SLC28A3: variants seen among roughly 807,000 people sequenced by gnomAD.
The protein encoded by SLC28A3 is solute carrier family 28 member 3, also known as concentrative Na(+)-nucleoside cotransporter 3.
Under a neutral mutation model 84.2 loss-of-function variants are expected in SLC28A3, and 68 were observed. The ratio of observed to expected loss-of-function variants is 0.81; its 90% CI spans 0.66 to 0.99. The LOEUF is 0.99. Among genes scored for constraint, SLC28A3 ranks in the 50% least tolerant of loss-of-function variants. The pLI is 0.00. For synonymous variants in SLC28A3, 267 were observed against 303.6 expected (o/e 0.88, Z 1.25); for missense variants, 712 against 841.5 (o/e 0.85, Z 1.90).
chr9:84,361,597 C>T, the SLC28A3 span, among the ~76,000 whole-genome samples: 2 of 152,212 alleles, frequency 1.3e-5, no homozygotes, highest in African/African-American at 2.4e-5. Flanking sequence ...CCAGCTCTCC[C>T]GCGAGAGTGT....
intron 1 of SLC28A3, among the ~76,000 whole-genome samples, chr9:84,331,564 T>G (rs1467631496): frequency 6.6e-6 from 1 of 152,158 alleles, no homozygotes; most frequent in Non-Finnish European, 1.5e-5. Flanking sequence ...ACTCAGCCTT[T>G]CCTGTGTGTT....
intron 9 of SLC28A3, among the ~76,000 whole-genome samples, chr9:84,293,819 G>A (rs1825320972): frequency 6.6e-6 from 1 of 152,128 alleles, no homozygotes; most frequent in Non-Finnish European, 1.5e-5. Flanking sequence ...CTTAAGCAAG[G>A]TAGCATACAA....
chr9:84,326,822 A>G (rs560132341), intron 1 of SLC28A3, among the ~76,000 whole-genome samples: 11 of 152,098 alleles, frequency 7.2e-5, no homozygotes, highest in Non-Finnish European at 1.2e-4. Context: ...CCTGGCCAAC[A>G]CGGTGAAATC....
At chr9:84,299,067 A>G (rs1422272665) in intron 6 of SLC28A3, among the ~76,000 whole-genome samples, 1 of 152,178 alleles carries the variant, frequency 6.6e-6, no homozygotes, top group Admixed American at 6.5e-5. Context: ...ATCTTGAGTT[A>G]CATATGAGAG....
the SLC28A3 span, among the ~76,000 whole-genome samples, chr9:84,365,593 AT>A: frequency 6.6e-6 from 1 of 151,710 alleles, no homozygotes; most frequent in Non-Finnish European, 1.5e-5. Context: ...TGTCCTGGAG[AT>A]TTTTCCCAAA....
At chr9:84,293,264 G>A (rs1421230191) in intron 9 of SLC28A3, among the ~76,000 whole-genome samples, 1 of 152,184 alleles carries the variant, frequency 6.6e-6, no homozygotes, top group Non-Finnish European at 1.5e-5. Context: ...TGAAATGAAC[G>A]TGGTTTTTGG....
intron 3 of SLC28A3, among the ~76,000 whole-genome samples, chr9:84,309,366 T>C (rs1021581468): frequency 3.3e-5 from 5 of 151,056 alleles, no homozygotes. Context: ...CTACTAAAAA[T>C]ACAAAAATTA....
the SLC28A3 span, among the ~76,000 whole-genome samples, chr9:84,352,891 T>G: frequency 2.6e-5 from 1 of 38,682 alleles, no homozygotes; most frequent in Non-Finnish European, 4.3e-5. Context: ...AGATTCTGTC[T>G]CAAAAAAAAA....
upstream of SLC28A3, among the ~76,000 whole-genome samples, chr9:84,341,160 G>A (rs918247061): frequency 6.6e-6 from 1 of 151,926 alleles, no homozygotes; most frequent in Non-Finnish European, 1.5e-5. Context: ...TAGTAGAGAC[G>A]GGGTTTCACC....
chr9:84,291,783 T>G (rs1825232655), intron 10 of SLC28A3, among the ~76,000 whole-genome samples: 1 of 152,210 alleles, frequency 6.6e-6, no homozygotes, highest in African/African-American at 2.4e-5. Context: ...TCAGTTTCCT[T>G]GGGCAGTGGT....
intron 1 of SLC28A3, among the ~76,000 whole-genome samples, chr9:84,339,592 C>T (rs577483736): frequency 2.0e-5 from 3 of 152,326 alleles, no homozygotes; most frequent in Non-Finnish European, 2.9e-5. Flanking sequence ...CGTGCCTTTT[C>T]TCCTGCTAAT....
chr9:84,308,070 T>C (rs1825862477), intron 3 of SLC28A3, among the ~76,000 whole-genome samples: 1 of 152,190 alleles, frequency 6.6e-6, no homozygotes. Flanking sequence ...ACCCTAATTC[T>C]GGCCAACTCC....
chr9:84,334,496 A>C (rs1319649764), intron 1 of SLC28A3, among the ~76,000 whole-genome samples: 1 of 152,212 alleles, frequency 6.6e-6, no homozygotes, highest in Admixed American at 6.5e-5. Context: ...GAAGGGAGGC[A>C]GCAGTGATGA....
At chr9:84,292,925 A>C (rs1825295406) in intron 9 of SLC28A3, among the ~76,000 whole-genome samples, 177 bp from the exon 10 acceptor site, 1 of 152,242 alleles carries the variant, frequency 6.6e-6, no homozygotes, top group African/African-American at 2.4e-5. Flanking sequence ...CAGGCCAAGC[A>C]AATCCTCTTA....
chr9:84,338,099 CAGCATTTCA>C (rs1827044724), intron 1 of SLC28A3, among the ~76,000 whole-genome samples: 1 of 152,212 alleles, frequency 6.6e-6, no homozygotes, highest in African/African-American at 2.4e-5. Flanking sequence ...GAACCCATAT[CAGCATTTCA>C]AGCTGTGAAA....
At chr9:84,324,428 G>A (rs570136191) in intron 1 of SLC28A3, among the ~76,000 whole-genome samples, 4 of 152,080 alleles carry the variant, frequency 2.6e-5, no homozygotes, top group African/African-American at 4.8e-5. Flanking sequence ...TGGATTGCTC[G>A]AGCTTAGAAG....
chr9:84,348,306 A>G, the SLC28A3 span, among the ~76,000 whole-genome samples: 1 of 150,270 alleles, frequency 6.7e-6, no homozygotes, highest in Non-Finnish European at 1.5e-5. Context: ...GTGAGCCGAG[A>G]TCACAGCACT....
chr9:84,286,203 A>G, intron 12 of SLC28A3, 92 bp from the exon 13 acceptor site: 1 of 1,290,424 alleles, frequency 7.7e-7, no homozygotes, highest in Non-Finnish European at 1.1e-6. Context: ...GAGCTTAGAT[A>G]AGAGACAAAC....
At chr9:84,294,389 G>T (rs1825342015) in intron 8 of SLC28A3, 114 bp from the exon 9 acceptor site, 1 of 928,742 alleles carries the variant, frequency 1.1e-6, no homozygotes, top group South Asian at 1.7e-5. Context: ...TAAAAATATG[G>T]GAAACTCCTC....
Sources: allele counts gnomAD v4.1 joint callset (sites outside exome capture counted in the v4.1 genomes callset), GRCh38; gene constraint gnomAD v4.1.1; transcripts MANE v1.5; gene names NCBI Gene and HGNC (gene_info 2026-07-23, HGNC 2026-07-21).